Variants in C1orf21 observed in about 807,000 individuals in gnomAD.
C1orf21 encodes chromosome 1 open reading frame 21.
Under a neutral mutation model 18.7 loss-of-function variants are expected in C1orf21, and 3 were observed. That is an observed-to-expected ratio of 0.16 (90% CI 0.07 to 0.42). The LOEUF is 0.42. C1orf21 is among the 10% of genes least tolerant of loss of function. C1orf21 has a pLI of 0.99. For synonymous variants in C1orf21, 41 were observed against 46.4 expected (o/e 0.88, Z 0.47); for missense variants, 104 against 143.6 (o/e 0.72, Z 1.41).
chr1:184,499,160 TC>T (rs1657936167), intron 2 of C1orf21, among the ~76,000 whole-genome samples: 1 of 152,036 alleles, frequency 6.6e-6, no homozygotes, highest in Non-Finnish European at 1.5e-5. Context: ...TTCCTCCTCC[TC>T]CTCTTCCCCT....
intron 1 of C1orf21, among the ~76,000 whole-genome samples, chr1:184,427,965 A>G (rs905602945): frequency 2.0e-5 from 3 of 152,150 alleles, no homozygotes; most frequent in African/African-American, 7.2e-5. Context: ...ACACTCAATG[A>G]CTTATCTAAA....
intron 1 of C1orf21, among the ~76,000 whole-genome samples, chr1:184,400,789 G>C (rs1656139595): frequency 6.6e-6 from 1 of 152,164 alleles, no homozygotes; most frequent in East Asian, 1.9e-4. Context: ...ATGAACAGTG[G>C]TGCAATAAAC....
intron 1 of C1orf21, among the ~76,000 whole-genome samples, chr1:184,426,379 C>A (rs1656637367): frequency 6.6e-6 from 1 of 152,132 alleles, no homozygotes; most frequent in Admixed American, 6.5e-5. Flanking sequence ...TTTAAAGAGC[C>A]CGTCTGATTA....
chr1:184,458,831 A>G (rs1201817930), intron 1 of C1orf21, among the ~76,000 whole-genome samples: 1 of 152,212 alleles, frequency 6.6e-6, no homozygotes, highest in African/African-American at 2.4e-5. Flanking sequence ...GTAAAACTCT[A>G]AAAAGGGTGA....
At chr1:184,447,828 A>G (rs985381232) in intron 1 of C1orf21, among the ~76,000 whole-genome samples, 1 of 152,132 alleles carries the variant, frequency 6.6e-6, no homozygotes, top group Non-Finnish European at 1.5e-5. Context: ...CTAACAAAAA[A>G]ATCTGGTCAT....
At chr1:184,582,533 C>G (rs183494674) in intron 3 of C1orf21, among the ~76,000 whole-genome samples, 21 of 152,300 alleles carry the variant, frequency 1.4e-4, no homozygotes, top group Admixed American at 8.5e-4. Context: ...CACTACTTTT[C>G]TCTAGGCCTC....
chr1:184,426,051 C>T (rs1656632567), intron 1 of C1orf21, among the ~76,000 whole-genome samples: 1 of 152,236 alleles, frequency 6.6e-6, no homozygotes, highest in South Asian at 2.1e-4. Flanking sequence ...TCCCTTCTGG[C>T]ATCATCCCGA....
At chr1:184,568,758 A>G (rs1558004900) in intron 3 of C1orf21, among the ~76,000 whole-genome samples, 2 of 152,198 alleles carry the variant, frequency 1.3e-5, no homozygotes, top group African/African-American at 2.4e-5. Flanking sequence ...CAAGGTTACA[A>G]TGAAAGCACC....
At chr1:184,488,702 C>T (rs1002846170) in intron 2 of C1orf21, among the ~76,000 whole-genome samples, 2 of 152,192 alleles carry the variant, frequency 1.3e-5, no homozygotes, top group African/African-American at 2.4e-5. Context: ...CAGTGGCTCA[C>T]GCCTATAATC....
chr1:184,586,316 G>C (rs1205082967), intron 3 of C1orf21, among the ~76,000 whole-genome samples: 9 of 131,794 alleles, frequency 6.8e-5, no homozygotes, highest in African/African-American at 2.7e-4. Flanking sequence ...ACGGAGTCTC[G>C]CTGTCGCCCA....
intron 1 of C1orf21, among the ~76,000 whole-genome samples, chr1:184,455,993 T>A (rs1657192595): frequency 6.6e-6 from 1 of 152,176 alleles, no homozygotes; most frequent in Non-Finnish European, 1.5e-5. Context: ...AACTTCTGGT[T>A]TTTCCTGTAA....
intron 1 of C1orf21, among the ~76,000 whole-genome samples, chr1:184,419,489 T>A (rs1241847182): frequency 6.6e-6 from 1 of 152,188 alleles, no homozygotes; most frequent in Non-Finnish European, 1.5e-5. Flanking sequence ...ATTGAACACC[T>A]GCTACATACC....
At chr1:184,550,542 G>C (rs1658797098) in intron 3 of C1orf21, among the ~76,000 whole-genome samples, 1 of 152,062 alleles carries the variant, frequency 6.6e-6, no homozygotes, top group South Asian at 2.1e-4. Context: ...TTGTTTGTTT[G>C]TTTGTTTTTT....
rs146951026 is a variant in C1orf21 at position 184,514,691 on chromosome 1, A to T, written c.189+7009A>T. Reference sequence around the variant, plus strand: ...GAGGAAGCTTGCACAAGACTAGTTCACTACAGCATTGTTTATGTTAGTGAA... The same window carrying T: ...GAGGAAGCTTGCACAAGACTAGTTCTCTACAGCATTGTTTATGTTAGTGAA... On this transcript the variant is annotated intron_variant, in intron 3 of 5. Coordinates refer to ENST00000235307, the MANE Select transcript of C1orf21 (RefSeq NM_030806.4). Among the ~76,000 whole-genome samples the T allele has an allele frequency of 2.6e-5, 4 of 152,312 alleles. No individual in the cohort carries two copies. The East Asian group carries it at 7.7e-4, about 29-fold the overall frequency.
intron 3 of C1orf21, among the ~76,000 whole-genome samples, chr1:184,509,502 C>A (rs374509738): frequency 1.4e-4 from 21 of 152,232 alleles, no homozygotes; most frequent in African/African-American, 5.1e-4. Context: ...TATCTTTGAT[C>A]TGAAATTTCT....
At chr1:184,512,989 G>A (rs572127386) in intron 3 of C1orf21, among the ~76,000 whole-genome samples, 10 of 152,314 alleles carry the variant, frequency 6.6e-5, no homozygotes, top group South Asian at 6.2e-4. Context: ...AAGCCCTATC[G>A]TGAACTGTGC....
intron 1 of C1orf21, among the ~76,000 whole-genome samples, chr1:184,460,657 T>TCTC (rs1657291439): frequency 6.7e-6 from 1 of 148,794 alleles, no homozygotes; most frequent in African/African-American, 2.5e-5. Context: ...TTCTTCTTCT[T>TCTC]CTTCTTCTTC....
At chr1:184,427,526 G>A (rs1211918019) in intron 1 of C1orf21, among the ~76,000 whole-genome samples, 2 of 152,088 alleles carry the variant, frequency 1.3e-5, no homozygotes, top group African/African-American at 4.8e-5. Context: ...CTAGAGTGGA[G>A]TCTGGGTCCC....
chr1:184,509,727 G>A (rs76053758), intron 3 of C1orf21, among the ~76,000 whole-genome samples: 8,337 of 152,130 alleles, frequency 0.055, 300 homozygotes, highest in Non-Finnish European at 0.07. Flanking sequence ...TTTAAAATAA[G>A]TATCGAGAAG....
Sources: allele counts gnomAD v4.1 joint callset (sites outside exome capture counted in the v4.1 genomes callset), GRCh38; gene constraint gnomAD v4.1.1; transcripts MANE v1.5; gene names NCBI Gene and HGNC (gene_info 2026-07-23, HGNC 2026-07-21).